Variants in UGT1A8 observed in about 807,000 individuals in gnomAD.
The protein encoded by UGT1A8 is UDP glucuronosyltransferase family 1 member A8, also known as UDP-glucuronosyltransferase 1A8.
Under a neutral mutation model 45.3 loss-of-function variants are expected in UGT1A8, and 39 were observed. The observed-to-expected ratio is 0.86, with a 90% CI of 0.67 to 1.12. The LOEUF (loss-of-function observed/expected upper bound fraction) is 1.12. UGT1A8 is among the 50% of genes most tolerant of loss of function. The probability of loss-of-function intolerance (pLI) is 0.00; values close to 1 mark genes in which losing one functional copy is unlikely to be tolerated. For missense variants in UGT1A8, 719 were observed against 664.9 expected (o/e 1.08, Z -0.90); for synonymous variants, 275 against 249.2 (o/e 1.10, Z -0.97).
chr2:233,690,111 A>G lies in UGT1A8; in HGVS notation c.855+71549A>G, dbSNP rs552221300. 7.3e-4 allele frequency among the ~76,000 whole-genome samples: 110 copies of G among 151,064 alleles called. 1 individual carries two copies. Among genetic ancestry groups the G allele is most frequent in the African/African-American group, 2.3e-3 (97 of 41,448 alleles). On this transcript the variant is annotated intron_variant, in intron 1 of 4. Coordinates refer to ENST00000373450, the MANE Select transcript of UGT1A8 (RefSeq NM_019076.5). ...AAATTGCTCCTGCATCTTATGTCAC[A>G]TATGTCTTTGTAACTTGGTGAGCTA...
At chr2:233,692,957 G>A (rs776174489) in intron 1 of UGT1A8, 1 of 1,607,062 alleles carries the variant, frequency 6.2e-7, no homozygotes, top group Non-Finnish European at 8.5e-7. Context: ...CCTGTGATTT[G>A]GAGAGTGAAA....
intron 1 of UGT1A8, chr2:233,747,734 G>A: frequency 6.2e-7 from 1 of 1,613,288 alleles, no homozygotes; most frequent in Middle Eastern, 1.7e-4. Context: ...TTTTTTTGAG[G>A]AACATTCCAT....
At chr2:233,691,780 A>G (rs1456285892) in intron 1 of UGT1A8, 7 of 283,208 alleles carry the variant, frequency 2.5e-5, no homozygotes, top group Non-Finnish European at 3.7e-5. Context: ...CTCACCACGT[A>G]CTGGCTAGAC....
intron 1 of UGT1A8, among the ~76,000 whole-genome samples, chr2:233,675,865 T>G (rs2074337846): frequency 1.3e-5 from 2 of 152,166 alleles, no homozygotes; most frequent in South Asian, 4.1e-4. Context: ...TAAGAAAAAT[T>G]TGTTACATAG....
chr2:233,759,167 C>A (rs1180599090), intron 1 of UGT1A8, among the ~76,000 whole-genome samples: 1 of 152,178 alleles, frequency 6.6e-6, no homozygotes, highest in African/African-American at 2.4e-5. Context: ...ACAAGGCAGG[C>A]AGGTTTCACG....
At chr2:233,768,066 C>A in intron 3 of UGT1A8, 130 bp downstream of exon 3, 1 of 1,597,468 alleles carries the variant, frequency 6.3e-7, no homozygotes, top group Non-Finnish European at 8.5e-7. Context: ...TGCTTTTTAT[C>A]TAGTGGGGTA....
At chr2:233,727,532 CGT>C in intron 1 of UGT1A8, among the ~76,000 whole-genome samples, 1 of 152,260 alleles carries the variant, frequency 6.6e-6, no homozygotes, top group South Asian at 2.1e-4. Context: ...CACTACCAGG[CGT>C]GTTCCACCCG....
chr2:233,713,346 AAT>A (rs1283931554), intron 1 of UGT1A8: 3 of 1,614,220 alleles, frequency 1.9e-6, no homozygotes, highest in Non-Finnish European at 2.5e-6. Flanking sequence ...AATTATGAAC[AAT>A]ATGTCTTTGA....
chr2:233,640,092 C>T (rs577175095), intron 1 of UGT1A8, among the ~76,000 whole-genome samples: 1 of 152,170 alleles, frequency 6.6e-6, no homozygotes, highest in Non-Finnish European at 1.5e-5. Context: ...TTCCCCATTG[C>T]TCTAAGATTC....
chr2:233,624,494 A>G (rs2073061553), intron 1 of UGT1A8, among the ~76,000 whole-genome samples: 2 of 151,990 alleles, frequency 1.3e-5, no homozygotes, highest in South Asian at 4.1e-4. Flanking sequence ...CCTCCAATGC[A>G]CTTCTTGTAC....
chr2:233,674,351 G>A (rs1434151760), intron 1 of UGT1A8, among the ~76,000 whole-genome samples: 1 of 152,124 alleles, frequency 6.6e-6, no homozygotes. Context: ...AATCTAAGAG[G>A]TTAGACTTGT....
chr2:233,711,980 C>T (rs1575497324), intron 1 of UGT1A8, among the ~76,000 whole-genome samples: 1 of 152,172 alleles, frequency 6.6e-6, no homozygotes, highest in African/African-American at 2.4e-5. Flanking sequence ...ACTAGAGCCC[C>T]CACAAATTAT....
chr2:233,768,435 A>G lies in UGT1A8; in HGVS notation c.1291A>G (p.Lys431Glu), dbSNP rs1699610425. Residue 431 changes from lysine to glutamate, a missense_variant, in exon 4 of 5, where the codon AAA becomes GAA. Physicochemically the swap from Lys to Glu is moderately conservative, Grantham distance 56. Transcript: ENST00000373450. ...ENALKAVINDKSYKENIMRLS... is the reference protein window; with the variant it reads ...ENALKAVINDESYKENIMRLS... ...TGCTCTAAAAGCAGTCATCAATGAC[A>G]AAAGGTAAGAAAGAAGATACAGAAG... 1.2e-6 allele frequency: 2 copies of G among 1,613,666 alleles called. No individual in the cohort carries two copies. The highest frequency in any genetic ancestry group is 1.7e-6 in the Non-Finnish European group (2 of 1,179,762).
At chr2:233,647,907 A>G in intron 1 of UGT1A8, 2 of 1,581,582 alleles carry the variant, frequency 1.3e-6, no homozygotes, top group African/African-American at 2.7e-5. Flanking sequence ...GTTAGCCTCC[A>G]GGGAAGGTAG....
Position 233,618,161 on chromosome 2 carries a change from G to A in UGT1A8, c.454G>A (p.Ala152Thr), listed in dbSNP as rs1042593. The A allele has an allele frequency of 1.5e-4, 248 of 1,613,892 alleles. No individual in the cohort carries two copies. The Admixed American group carries it at 3.9e-3, about 26-fold the overall frequency. ...TGCGGTGTTTCTTGATCCTTTTGAT[G>A]CCTGTGGCTTAATTGTTGCCAAATA... is the stretch of plus-strand genomic sequence containing the variant. ...FDAVFLDPFDACGLIVAKYFS... is the reference protein window; with the variant it reads ...FDAVFLDPFDTCGLIVAKYFS... The change falls in exon 1 of 5, where the codon GCC (alanine) becomes ACC (threonine). Residue 152 changes from alanine to threonine, a missense_variant. Physicochemically the swap from Ala to Thr is moderately conservative, Grantham distance 58. Transcript: ENST00000373450.
chr2:233,619,255 A>G (rs112421719), intron 1 of UGT1A8, among the ~76,000 whole-genome samples: 47 of 152,302 alleles, frequency 3.1e-4, no homozygotes, highest in African/African-American at 1.1e-3. Flanking sequence ...TTATACACCA[A>G]TACAGACAGA....
At chr2:233,741,895 C>T (rs1371352009) in intron 1 of UGT1A8, 1 of 151,808 alleles carries the variant, frequency 6.6e-6, no homozygotes, top group African/African-American at 2.4e-5. Flanking sequence ...GAAGAAGGGA[C>T]CCTTTGTGAT....
intron 1 of UGT1A8, among the ~76,000 whole-genome samples, chr2:233,746,234 G>T (rs923887005): frequency 6.6e-6 from 1 of 151,756 alleles, no homozygotes; most frequent in African/African-American, 2.4e-5. Context: ...TATGCAAACT[G>T]CTAAAAGATA....
intron 1 of UGT1A8, among the ~76,000 whole-genome samples, chr2:233,764,723 G>A (rs547202766): frequency 1.3e-5 from 2 of 152,270 alleles, no homozygotes; most frequent in African/African-American, 4.8e-5. Flanking sequence ...CAAGAAAGAG[G>A]GAGAGAAAGA....
Sources: allele counts gnomAD v4.1 joint callset (sites outside exome capture counted in the v4.1 genomes callset), GRCh38; gene constraint gnomAD v4.1.1; transcripts MANE v1.5; gene names NCBI Gene and HGNC (gene_info 2026-07-23, HGNC 2026-07-21).